NRXN1: variants seen among roughly 807,000 people sequenced by gnomAD.
NRXN1 encodes the protein neurexin-1.
A neutral mutation model predicts 150.9 loss-of-function variants in NRXN1; 39 were observed. That is an observed-to-expected ratio of 0.26 (90% CI 0.20 to 0.34). The LOEUF is 0.34. Among genes scored for constraint, NRXN1 ranks in the 10% least tolerant of loss-of-function variants. The pLI, the probability that NRXN1 is intolerant of heterozygous loss-of-function variation, is 1.00. For missense variants in NRXN1, 1,815 were observed against 1,949.9 expected (o/e 0.93, Z 1.30); for synonymous variants, 924 against 757.0 (o/e 1.22, Z -3.62).
intron 18 of NRXN1, among the ~76,000 whole-genome samples, chr2:50,169,711 CAAAAA>C (rs11296551): frequency 1.9e-5 from 2 of 103,820 alleles, no homozygotes; most frequent in African/African-American, 4.3e-5. Context: ...GCTTCCATCT[CAAAAA>C]AAAAAAAAAA....
At chr2:50,261,545 A>G (rs2068283919) in intron 17 of NRXN1, among the ~76,000 whole-genome samples, 1 of 151,874 alleles carries the variant, frequency 6.6e-6, no homozygotes, top group Admixed American at 6.6e-5. Context: ...AAGTCACAAG[A>G]CATAAATATA....
chr2:49,919,322 A>G lies in NRXN1; in HGVS notation c.*2622T>C, dbSNP rs1488824944. On this transcript the variant is annotated 3_prime_UTR_variant, in exon 23 of 23. Coordinates refer to ENST00000401669, the MANE Select transcript of NRXN1 (RefSeq NM_001330078.2). ...CATTGAGGAAAAAATAATTTTTGCTAGAGTTTGTGTAAGCCAATAATATTA... is the reference window on the plus strand; with the variant it reads ...CATTGAGGAAAAAATAATTTTTGCTGGAGTTTGTGTAAGCCAATAATATTA... 1 of 152,074 alleles carries G rather than the reference A, an allele frequency of 6.6e-6. No individual in the cohort carries two copies. The highest frequency in any genetic ancestry group is 1.5e-5 in the Non-Finnish European group (1 of 67,974). 9.4% of individuals were successfully genotyped at this position (152,074 alleles called of 1,614,324 possible).
intron 5 of NRXN1, among the ~76,000 whole-genome samples, chr2:50,644,611 T>C (rs894629259): frequency 4.6e-5 from 7 of 151,700 alleles, no homozygotes; most frequent in African/African-American, 1.7e-4. Flanking sequence ...AGAATTTTTT[T>C]CCCCCAGGTT....
intron 5 of NRXN1, among the ~76,000 whole-genome samples, chr2:50,808,177 T>C (rs142679054): frequency 3.9e-5 from 6 of 152,240 alleles, no homozygotes; most frequent in African/African-American, 7.2e-5. Context: ...GTTAAAACTA[T>C]TGTAAATAGT....
At chr2:50,849,427 T>C (rs1674181605) in intron 5 of NRXN1, among the ~76,000 whole-genome samples, 1 of 152,200 alleles carries the variant, frequency 6.6e-6, no homozygotes, top group Non-Finnish European at 1.5e-5. Context: ...TCTTCAGGAA[T>C]GCTACTGTTA....
At chr2:50,333,491 G>C (rs1036492346) in intron 17 of NRXN1, among the ~76,000 whole-genome samples, 9 of 152,108 alleles carry the variant, frequency 5.9e-5, no homozygotes, top group African/African-American at 1.2e-4. Flanking sequence ...ATAGAAATCA[G>C]TAATGAAGGA....
At chr2:50,007,753 T>C (rs923767422) in intron 21 of NRXN1, among the ~76,000 whole-genome samples, 3 of 152,132 alleles carry the variant, frequency 2.0e-5, no homozygotes, top group African/African-American at 4.8e-5. Context: ...TGCCCAGTAA[T>C]GGGATTGCTG....
At chr2:50,529,116 T>C (rs1239953723) in intron 11 of NRXN1, among the ~76,000 whole-genome samples, 1 of 152,208 alleles carries the variant, frequency 6.6e-6, no homozygotes, top group Non-Finnish European at 1.5e-5. Context: ...AGTGGTCAAA[T>C]GGAAAGCAAG....
At chr2:50,614,443 T>C (rs1424111592) in intron 8 of NRXN1, among the ~76,000 whole-genome samples, 1 of 151,886 alleles carries the variant, frequency 6.6e-6, no homozygotes, top group Non-Finnish European at 1.5e-5. Context: ...TACGTGTAAA[T>C]GACAGATACT....
intron 10 of NRXN1, among the ~76,000 whole-genome samples, chr2:50,536,638 A>G (rs1228415749): frequency 6.6e-6 from 1 of 152,200 alleles, no homozygotes; most frequent in Admixed American, 6.6e-5. Context: ...AACAACTGGC[A>G]GCTCTCTGGG....
intron 13 of NRXN1, among the ~76,000 whole-genome samples, chr2:50,505,474 A>G (rs2092173936): frequency 6.6e-6 from 1 of 152,154 alleles, no homozygotes; most frequent in Non-Finnish European, 1.5e-5. Context: ...ATGTGACCTT[A>G]GATACTAACT....
intron 17 of NRXN1, among the ~76,000 whole-genome samples, chr2:50,239,541 G>A (rs2065791423): frequency 6.7e-6 from 1 of 148,852 alleles, no homozygotes; most frequent in African/African-American, 2.4e-5. Flanking sequence ...ACATAGGGCA[G>A]ACATTACTTC....
At chr2:50,216,926 G>A (rs2063442036) in intron 18 of NRXN1, among the ~76,000 whole-genome samples, 1 of 152,000 alleles carries the variant, frequency 6.6e-6, no homozygotes, top group Non-Finnish European at 1.5e-5. Context: ...TTTTTAGAAA[G>A]TGAAAAAATA....
At chr2:50,956,027 C>A in intron 2 of NRXN1, among the ~76,000 whole-genome samples, 1 of 152,084 alleles carries the variant, frequency 6.6e-6, no homozygotes, top group East Asian at 1.9e-4. Flanking sequence ...CTCAGATCCT[C>A]TTGAGGTATG....
chr2:50,749,121 T>C (rs896477773), intron 5 of NRXN1, among the ~76,000 whole-genome samples: 11 of 148,264 alleles, frequency 7.4e-5, no homozygotes, highest in South Asian at 2.1e-4. Context: ...GTCTGTTTTA[T>C]AGAAAACCTA....
At chr2:50,472,708 G>T (rs1385942075) in intron 15 of NRXN1, among the ~76,000 whole-genome samples, 1 of 151,630 alleles carries the variant, frequency 6.6e-6, no homozygotes, top group Non-Finnish European at 1.5e-5. Context: ...CATATTATGT[G>T]GTCAAATTGA....
chr2:50,419,087 T>C (rs898564948), intron 17 of NRXN1, among the ~76,000 whole-genome samples: 1 of 152,054 alleles, frequency 6.6e-6, no homozygotes, highest in Non-Finnish European at 1.5e-5. Flanking sequence ...TGTCATCAAA[T>C]GAATGAACTC....
intron 17 of NRXN1, among the ~76,000 whole-genome samples, chr2:50,295,677 T>C (rs1574970759): frequency 6.6e-6 from 1 of 152,336 alleles, no homozygotes; most frequent in East Asian, 1.9e-4. Flanking sequence ...ACCAGTCTTT[T>C]GGGACATTTG....
chr2:50,917,892 T>G (rs1685444673), intron 5 of NRXN1: 1 of 151,672 alleles, frequency 6.6e-6, no homozygotes, highest in African/African-American at 2.4e-5. Context: ...GCTTTATTCT[T>G]TTCTAAGTAT....
Sources: allele counts gnomAD v4.1 joint callset (sites outside exome capture counted in the v4.1 genomes callset), GRCh38; gene constraint gnomAD v4.1.1; transcripts MANE v1.5; gene names NCBI Gene and HGNC (gene_info 2026-07-23, HGNC 2026-07-21).